Variants in KCNB2 observed in about 807,000 individuals in gnomAD.
KCNB2 encodes the protein delayed rectifier potassium channel protein.
A neutral mutation model predicts 61.5 loss-of-function variants in KCNB2; 15 were observed. The ratio of observed to expected loss-of-function variants is 0.24; its 90% CI spans 0.16 to 0.38. The LOEUF (loss-of-function observed/expected upper bound fraction) is 0.38. Ranked by LOEUF, KCNB2 falls within the 10% of genes least tolerant of loss-of-function variation. The pLI, the probability that KCNB2 is intolerant of heterozygous loss-of-function variation, is 1.00. For synonymous variants in KCNB2, 457 were observed against 446.0 expected, an observed-to-expected ratio of 1.02 and a Z score of -0.31; for missense variants, 828 against 1,125.2, an observed-to-expected ratio of 0.74 and a Z score of 3.78.
chr8:72,730,491 T>G (rs1296380192), intron 2 of KCNB2, among the ~76,000 whole-genome samples: 1 of 152,200 alleles, frequency 6.6e-6, no homozygotes, highest in African/African-American at 2.4e-5. Context: ...TTTATTAATC[T>G]AGCAAAGTCT....
chr8:72,651,769 A>G (rs1003119053), intron 2 of KCNB2, among the ~76,000 whole-genome samples: 2 of 152,114 alleles, frequency 1.3e-5, no homozygotes, highest in Admixed American at 1.3e-4. Context: ...TTATTGTATC[A>G]TTTCATGATA....
chr8:72,675,805 G>A (rs548704350), intron 2 of KCNB2, among the ~76,000 whole-genome samples: 1 of 152,232 alleles, frequency 6.6e-6, no homozygotes, highest in Admixed American at 6.5e-5. Flanking sequence ...TCCCGCCTCG[G>A]CCTCCCAAAG....
chr8:72,734,743 C>G (rs1563574722), intron 2 of KCNB2, among the ~76,000 whole-genome samples: 2 of 152,110 alleles, frequency 1.3e-5, no homozygotes, highest in Non-Finnish European at 2.9e-5. Context: ...AAGACGTGCT[C>G]TAGGGGATTA....
chr8:72,593,980 A>G lies in KCNB2; in HGVS notation c.579+25667A>G, dbSNP rs369855416. Among the ~76,000 whole-genome samples the G allele has an allele frequency of 2.4e-3, 366 of 152,312 alleles. 2 individuals are homozygous for G. Among genetic ancestry groups the G allele is most frequent in the African/African-American group, 8.0e-3 (333 of 41,566 alleles). On this transcript the variant is annotated intron_variant, in intron 2 of 2. Transcript: ENST00000523207. ...ACAAACTTTTCACTAAGTTTCTGTG[A>G]GGATTGTTTCACTTAACTCAACAGT...
At chr8:72,665,595 C>A (rs1465208684) in intron 2 of KCNB2, among the ~76,000 whole-genome samples, 3 of 152,134 alleles carry the variant, frequency 2.0e-5, no homozygotes, top group Non-Finnish European at 4.4e-5. Flanking sequence ...CACCATTATA[C>A]CCTCAGAACC....
intron 2 of KCNB2, among the ~76,000 whole-genome samples, chr8:72,603,669 T>TTAGTGTCCTCATCCTTCTAAAA (rs1215002508): frequency 1.3e-5 from 2 of 152,174 alleles, no homozygotes; most frequent in Non-Finnish European, 2.9e-5. Context: ...ACTGGGTTGA[T>TTAGTGTCCTCATCCTTCTAAAA]TAGTGTCCTC....
At chr8:72,662,788 ATTTCACTCATTTTACAT>A (rs1326047943) in intron 2 of KCNB2, among the ~76,000 whole-genome samples, 4 of 152,156 alleles carry the variant, frequency 2.6e-5, no homozygotes, top group African/African-American at 9.7e-5. Context: ...GGTTTGGCTT[ATTTCACTCATTTTACAT>A]TTAAAAACGA....
intron 2 of KCNB2, among the ~76,000 whole-genome samples, chr8:72,758,187 G>A (rs1808321282): frequency 6.6e-6 from 1 of 152,308 alleles, no homozygotes; most frequent in South Asian, 2.1e-4. Flanking sequence ...AACAGTTCTG[G>A]AACGGCCACT....
intron 2 of KCNB2, among the ~76,000 whole-genome samples, chr8:72,922,545 A>C (rs911638449): frequency 6.6e-6 from 1 of 152,176 alleles, no homozygotes; most frequent in Non-Finnish European, 1.5e-5. Flanking sequence ...TGCTTCAAAG[A>C]TGGAGCATCA....
At chr8:72,912,412 C>T (rs1399281258) in intron 2 of KCNB2, among the ~76,000 whole-genome samples, 2 of 150,884 alleles carry the variant, frequency 1.3e-5, no homozygotes, top group Non-Finnish European at 1.5e-5. Context: ...AGACAAGTCA[C>T]AAAAAAGGTG....
chr8:72,681,461 C>A (rs1806752411), intron 2 of KCNB2, among the ~76,000 whole-genome samples: 1 of 152,134 alleles, frequency 6.6e-6, no homozygotes. Context: ...CACATCTTGT[C>A]CTTACTGGAA....
At chr8:72,827,851 C>T (rs1314561444) in intron 2 of KCNB2, among the ~76,000 whole-genome samples, 3 of 151,418 alleles carry the variant, frequency 2.0e-5, no homozygotes, top group Non-Finnish European at 2.9e-5. Flanking sequence ...CTCACTCTGC[C>T]GCCCAGGCTA....
At chr8:72,667,006 T>TGTGTGTGTGAGAGA (rs141712140) in intron 2 of KCNB2, among the ~76,000 whole-genome samples, 56 of 147,934 alleles carry the variant, frequency 3.8e-4, no homozygotes, top group African/African-American at 1.2e-3. Context: ...TGTGTGTGTG[T>TGTGTGTGTGAGAGA]GAGAGAGAGA....
chr8:72,615,195 G>A (rs1401892784), intron 2 of KCNB2, among the ~76,000 whole-genome samples: 1 of 152,202 alleles, frequency 6.6e-6, no homozygotes, highest in Non-Finnish European at 1.5e-5. Context: ...TACATCATTT[G>A]TTTTCTCTGA....
chr8:72,782,624 A>G (rs1808780290), intron 2 of KCNB2, among the ~76,000 whole-genome samples: 1 of 151,750 alleles, frequency 6.6e-6, no homozygotes, highest in Non-Finnish European at 1.5e-5. Context: ...CTTTTATGAG[A>G]CCCCCATCCT....
chr8:72,619,043 C>T (rs1805665086), intron 2 of KCNB2: 1 of 307,382 alleles, frequency 3.3e-6, no homozygotes, highest in Non-Finnish European at 6.4e-6. Context: ...CGACTTTGAC[C>T]CTTTCCAAAG....
intron 2 of KCNB2, among the ~76,000 whole-genome samples, chr8:72,656,844 A>G (rs1396789490): frequency 6.6e-6 from 1 of 152,072 alleles, no homozygotes; most frequent in Admixed American, 6.6e-5. Flanking sequence ...TGACTATCTC[A>G]TCAGATCCAG....
At chr8:72,568,384 A>C (rs1806660804) in intron 2 of KCNB2, 71 bp downstream of exon 2, 7 of 1,328,712 alleles carry the variant, frequency 5.3e-6, no homozygotes, top group South Asian at 2.9e-5. Flanking sequence ...AGAGAGTATA[A>C]GTTTTTTTAC....
intron 2 of KCNB2, among the ~76,000 whole-genome samples, chr8:72,831,361 A>G (rs532102037): frequency 6.6e-6 from 1 of 152,374 alleles, no homozygotes; most frequent in South Asian, 2.1e-4. Context: ...TGCCTTAGAA[A>G]GACACGATCA....
Sources: gnomAD v4.1 joint callset for allele counts (sites outside exome capture counted in the v4.1 genomes callset) on GRCh38, gnomAD v4.1.1 for gene constraint, MANE v1.5 for transcripts, NCBI Gene and HGNC (gene_info 2026-07-23, HGNC 2026-07-21) for gene names.